PRPF6: variants seen among roughly 807,000 people sequenced by gnomAD.
PRPF6 encodes the protein pre-mRNA-processing factor 6.
A neutral mutation model predicts 118.3 loss-of-function variants in PRPF6; 42 were observed. That is an observed-to-expected ratio of 0.35 (90% CI 0.28 to 0.46). The LOEUF (loss-of-function observed/expected upper bound fraction) is 0.46, where lower values mean the gene tolerates loss of function less well. Ranked by LOEUF, PRPF6 falls within the 20% of genes least tolerant of loss-of-function variation. The pLI is 1.00. For synonymous variants in PRPF6, 481 were observed against 485.1 expected, an observed-to-expected ratio of 0.99 and a Z score of 0.11; for missense variants, 662 against 1,255.7, an observed-to-expected ratio of 0.53 and a Z score of 7.15.
Position 64,014,518 on chromosome 20 carries a change from A to G in PRPF6, c.1525-2205A>G, listed in dbSNP as rs939202755. On this transcript the variant is annotated intron_variant, in intron 11 of 20. Coordinates refer to ENST00000266079, the MANE Select transcript of PRPF6 (RefSeq NM_012469.4). ...AAAGATACAAAAAAATTAGCCAGGC[A>G]TGATGGTGGGCACCTATAATTCCAG... 2.0e-5 allele frequency among the ~76,000 whole-genome samples: 3 copies of G among 152,128 alleles called. No homozygotes were observed. The South Asian group carries it at 6.2e-4, about 32-fold the overall frequency.
intron 13 of PRPF6, 51 bp downstream of exon 13, chr20:64,022,929 C>T (rs2059273027): frequency 3.7e-6 from 6 of 1,613,034 alleles, no homozygotes; most frequent in Non-Finnish European, 5.1e-6. Context: ...CCTCCAGCTC[C>T]ATTTGTGTAG....
intron 3 of PRPF6, among the ~76,000 whole-genome samples, chr20:63,990,028 GTT>G: frequency 6.6e-6 from 1 of 151,096 alleles, no homozygotes; most frequent in East Asian, 2.0e-4. Context: ...TAATTTTTGT[GTT>G]TTTAGTAGAG....
chr20:64,016,782 C>T lies in PRPF6; in HGVS notation c.1584C>T (p.Ala528=), dbSNP rs112093940. The change falls in exon 12 of 21, where the codon GCC becomes GCT. Residue 528 remains alanine, a synonymous_variant. Transcript: ENST00000266079. ...SVATCQAVMR[A]VIGIGIEEED... ...CCACCTGCCAGGCCGTCATGCGTGC[C>T]GTGATTGGGATTGGGATTGAGGAGG... 6.8e-6 allele frequency: 11 copies of T among 1,614,000 alleles called. No individual in the cohort carries two copies. Among genetic ancestry groups the T allele is most frequent in the African/African-American group, 4.0e-5 (3 of 74,980 alleles).
At chr20:64,021,888 CTGTGTGTG>C (rs71800785) in intron 12 of PRPF6, among the ~76,000 whole-genome samples, 1 of 110,884 alleles carries the variant, frequency 9.0e-6, no homozygotes, top group Non-Finnish European at 1.8e-5. Flanking sequence ...AGCCCCGTGT[CTGTGTGTG>C]TGTGTGTGTG....
Position 64,028,405 on chromosome 20 carries a change from G to C in PRPF6, c.2340-73G>C. On this transcript the variant is annotated intron_variant, in intron 17 of 20. Coordinates refer to ENST00000266079, the MANE Select transcript of PRPF6 (RefSeq NM_012469.4). The surrounding 1 kb of genome is among the most constrained non-coding windows in gnomAD (Gnocchi z 6.5). ...CTGGGTGGAGAGCCCTTTCAGACAAGGCTTCCCAGAAGCTACCAGAATATG... is the reference window on the plus strand; with the variant it reads ...CTGGGTGGAGAGCCCTTTCAGACAACGCTTCCCAGAAGCTACCAGAATATG... 1.3e-6 allele frequency: 2 copies of C among 1,508,630 alleles called. No individual in the cohort carries two copies. The highest frequency in any genetic ancestry group is 1.8e-6 in the Non-Finnish European group (2 of 1,085,944). 93.5% of individuals were successfully genotyped at this position (1,508,630 alleles called of 1,614,324 possible).
chr20:64,025,659 G>A (rs191680761), intron 14 of PRPF6, among the ~76,000 whole-genome samples: 1 of 152,172 alleles, frequency 6.6e-6, no homozygotes, highest in Non-Finnish European at 1.5e-5. Flanking sequence ...GGGTAAGATG[G>A]CCCTGCACCT....
At chr20:63,999,870 A>G (rs970135417) in intron 8 of PRPF6, 111 bp downstream of exon 8, 14 of 1,361,286 alleles carry the variant, frequency 1.0e-5, no homozygotes, top group Non-Finnish European at 5.1e-6. Flanking sequence ...AACTACAGAC[A>G]ATAGGGCAGG....
intron 6 of PRPF6, among the ~76,000 whole-genome samples, chr20:63,998,791 G>A (rs527837352): frequency 1.2e-3 from 179 of 149,996 alleles, no homozygotes; most frequent in African/African-American, 4.2e-3. Context: ...GCAGTGAGCC[G>A]AGATTGCACA....
intron 9 of PRPF6, among the ~76,000 whole-genome samples, chr20:64,007,351 C>T (rs576928939): frequency 3.2e-4 from 49 of 151,932 alleles, no homozygotes; most frequent in African/African-American, 1.2e-3. Context: ...GGAGAGCTAG[C>T]TCACTTGCCC....
chr20:64,026,595 GATT>G lies in PRPF6; in HGVS notation c.2029-386_2029-384del, dbSNP rs1330963625. ...GCACTTTGGGAGGCCAAGGCAGGTAGATTGTGAGATCAGGAGTTCGACACCAGC... is the reference window on the plus strand; with the variant it reads ...GCACTTTGGGAGGCCAAGGCAGGTAGGTGAGATCAGGAGTTCGACACCAGC... On this transcript the variant is annotated intron_variant, in intron 15 of 20. Coordinates refer to ENST00000266079, the MANE Select transcript of PRPF6 (RefSeq NM_012469.4). The surrounding 1 kb of genome is among the most constrained non-coding windows in gnomAD (Gnocchi z 4.4). Among the ~76,000 whole-genome samples, 1 of 152,122 alleles carries G rather than the reference GATT, an allele frequency of 6.6e-6. No individual in the cohort carries two copies. The highest frequency in any genetic ancestry group is 2.4e-5 in the African/African-American group (1 of 41,402).
At chr20:64,019,493 C>T (rs1231382909) in intron 12 of PRPF6, among the ~76,000 whole-genome samples, 2 of 152,130 alleles carry the variant, frequency 1.3e-5, no homozygotes, top group African/African-American at 4.8e-5. Context: ...GTTTTCTGTG[C>T]CCAGAAGTGT....
chr20:63,992,271 A>T (rs912497365), intron 3 of PRPF6, among the ~76,000 whole-genome samples: 15 of 151,120 alleles, frequency 9.9e-5, no homozygotes, highest in African/African-American at 3.7e-4. Flanking sequence ...TTTTATTTTT[A>T]TTTTTTTGAG....
In PRPF6 at chr20:63,983,152, G is replaced by C; in HGVS notation, c.177G>C (p.Gln59His). 3 of 1,614,208 alleles carry C rather than the reference G, an allele frequency of 1.9e-6. No individual in the cohort carries two copies. Among genetic ancestry groups the C allele is most frequent in the Non-Finnish European group, 2.5e-6 (3 of 1,180,046 alleles). The change falls in exon 2 of 21, where the codon CAG becomes CAC. Residue 59 changes from glutamine (Q) to histidine (H), a missense_variant. Physicochemically the swap from Gln to His is conservative, Grantham distance 24. Coordinates refer to ENST00000266079, the MANE Select transcript of PRPF6 (RefSeq NM_012469.4). ...CAGGCAAGAGAACCGTTGGGGACCA[G>C]ATGAAGAAAAATCAGGCTGCTGACG... ...APPGKRTVGD[Q>H]MKKNQAADDD...
chr20:64,003,850 G>A lies in PRPF6; in HGVS notation c.1186+2611G>A, dbSNP rs527958253. On this transcript the variant is annotated intron_variant, in intron 9 of 20. Transcript: ENST00000266079. Reference sequence around the variant, plus strand: ...CCTGACCTCATGATCCACCCGCCTCGGCCTCTCAAAGTGCTGGGATTACAG... The same window carrying A: ...CCTGACCTCATGATCCACCCGCCTCAGCCTCTCAAAGTGCTGGGATTACAG... Among the ~76,000 whole-genome samples, 4 of 152,158 alleles carry A rather than the reference G, an allele frequency of 2.6e-5. No individual in the cohort carries two copies. In the East Asian group the frequency reaches 5.8e-4, roughly 22 times the overall value.
intron 11 of PRPF6, among the ~76,000 whole-genome samples, chr20:64,013,450 CCTT>C (rs1435026389): frequency 6.6e-6 from 1 of 151,358 alleles, no homozygotes; most frequent in Non-Finnish European, 1.5e-5. Flanking sequence ...TTCTTTCTTT[CCTT>C]CTTTCTTTCT....
At chr20:63,981,385 T>G (rs966550584) in intron 1 of PRPF6, 69 bp downstream of exon 1, 7 of 1,456,916 alleles carry the variant, frequency 4.8e-6, no homozygotes, top group Non-Finnish European at 6.5e-6. Context: ...GGGGCGTGTT[T>G]GGGGGCGGGG....
chr20:64,016,626 C>A, intron 11 of PRPF6, 97 bp from the exon 12 acceptor site: 1 of 1,502,350 alleles, frequency 6.7e-7, no homozygotes, highest in Non-Finnish European at 9.1e-7. Flanking sequence ...GTGCTGATGT[C>A]TGTCAGTTTT....
chr20:64,016,866 T>C lies in PRPF6; in HGVS notation c.1647+21T>C, dbSNP rs538838221. 4 of 1,613,950 alleles carry C rather than the reference T, an allele frequency of 2.5e-6. No homozygotes were observed. In the South Asian group the frequency reaches 4.4e-5, roughly 18 times the overall value. ...ACAGTGTGAGTTGGCAACAGGGGCC[T>C]TTGTCCGTAATATGGAGTCTCTGCT... On this transcript the variant is annotated intron_variant, in intron 12 of 20. Transcript: ENST00000266079.
rs1440363957 is a variant in PRPF6, at chr20:64,029,998, C to T, written c.2546+507C>T. Among the ~76,000 whole-genome samples, 3 of 152,138 alleles carry T rather than the reference C, an allele frequency of 2.0e-5. No individual in the cohort carries two copies. The highest frequency in any genetic ancestry group is 4.8e-5 in the African/African-American group (2 of 41,408). On this transcript the variant is annotated intron_variant, in intron 19 of 20. Coordinates refer to ENST00000266079, the MANE Select transcript of PRPF6 (RefSeq NM_012469.4). The surrounding 1 kb of genome is among the most constrained non-coding windows in gnomAD (Gnocchi z 4.8). ...GTGTGATTCACACTGGTGCGCTGGC[C>T]GCTGGGTCAGAGACTCACTGGGGAC... is the stretch of plus-strand genomic sequence containing the variant.
Sources: gnomAD v4.1 joint callset for allele counts (sites outside exome capture counted in the v4.1 genomes callset) on GRCh38, gnomAD v4.1.1 for gene constraint, Gnocchi (gnomAD v3.1) non-coding constraint, MANE v1.5 for transcripts, NCBI Gene and HGNC (gene_info 2026-07-23, HGNC 2026-07-21) for gene names.